FHIP1A: variants seen among roughly 807,000 people sequenced by gnomAD.
FHIP1A encodes the protein FHF complex subunit HOOK-interacting protein 1A.
FHIP1A carries 61 observed loss-of-function variants against 88.6 expected under a neutral mutation model. The observed-to-expected ratio is 0.69, with a 90% CI of 0.56 to 0.85. FHIP1A has a LOEUF of 0.85. Among genes scored for constraint, FHIP1A ranks in the 40% least tolerant of loss-of-function variants. FHIP1A has a pLI of 0.00. For missense variants in FHIP1A, 1,154 were observed against 1,273.5 expected, an observed-to-expected ratio of 0.91 and a Z score of 1.43; for synonymous variants, 478 against 496.0, an observed-to-expected ratio of 0.96 and a Z score of 0.48.
intron 4 of FHIP1A, among the ~76,000 whole-genome samples, chr4:151,574,233 G>A (rs6822732): frequency 2.0e-3 from 311 of 152,346 alleles, no homozygotes; most frequent in African/African-American, 7.1e-3. Context: ...TAAAACCAGT[G>A]GGTTAGAGCT....
chr4:151,559,538 G>A (rs1733089180), intron 3 of FHIP1A, among the ~76,000 whole-genome samples: 1 of 152,044 alleles, frequency 6.6e-6, no homozygotes, highest in Non-Finnish European at 1.5e-5. Context: ...CACAAATCGT[G>A]GCATACTATA....
intron 1 of FHIP1A, among the ~76,000 whole-genome samples, chr4:151,435,923 A>G (rs187522872): frequency 6.6e-5 from 10 of 152,276 alleles, no homozygotes; most frequent in African/African-American, 2.2e-4. Context: ...TTTCAGACTG[A>G]TGACCTATTT....
chr4:151,546,428 G>T (rs570554899), intron 3 of FHIP1A, among the ~76,000 whole-genome samples: 17 of 152,292 alleles, frequency 1.1e-4, no homozygotes, highest in African/African-American at 3.8e-4. Context: ...CCATAATTGC[G>T]TGAGCTAAGT....
chr4:151,620,757 CT>C (rs60624354), intron 7 of FHIP1A, among the ~76,000 whole-genome samples: 45,402 of 143,976 alleles, frequency 0.32, 6,856 homozygotes, highest in Middle Eastern at 0.34. Context: ...AATTAGATAT[CT>C]TTTTTTTTTT....
At chr4:151,650,675 T>C in intron 11 of FHIP1A, 83 bp downstream of exon 11, 1 of 1,452,394 alleles carries the variant, frequency 6.9e-7, no homozygotes, top group Middle Eastern at 1.9e-4. Flanking sequence ...TAGGAAAAGG[T>C]AAGGGATATT....
At position 151,662,698 on chromosome 4, in the gene FHIP1A, GA is replaced by G; in HGVS notation, c.3069del (p.Glu1023AspfsTer25). On this transcript the variant is annotated frameshift_variant, in exon 14 of 14. Transcript: ENST00000435205. LOFTEE classifies it high-confidence loss of function. ...FLKELAALAQEHSILCYKILG... is the reference protein window; with the variant it reads ...FLKELAALAQXHSILCYKILG... Reference sequence around the variant, plus strand: ...GAAGGAGCTGGCGGCCTTGGCCCAGGAACACTCCATTCTGTGCTACAAGATC... The same window carrying G: ...GAAGGAGCTGGCGGCCTTGGCCCAGGACACTCCATTCTGTGCTACAAGATC... 7.7e-6 allele frequency: 12 copies of G among 1,550,240 alleles called. No homozygotes were observed. The highest frequency in any genetic ancestry group is 1.0e-5 in the Non-Finnish European group (12 of 1,146,800).
At chr4:151,495,633 T>C (rs1730433542) in intron 3 of FHIP1A, among the ~76,000 whole-genome samples, 1 of 150,310 alleles carries the variant, frequency 6.7e-6, no homozygotes, top group South Asian at 2.1e-4. Flanking sequence ...TTCTTTTTTT[T>C]TTTTTTTGAG....
At chr4:151,597,631 C>T (rs1240340540) in intron 7 of FHIP1A, among the ~76,000 whole-genome samples, 3 of 152,186 alleles carry the variant, frequency 2.0e-5, no homozygotes, top group African/African-American at 7.2e-5. Flanking sequence ...GTGCCCATAG[C>T]TGCCCCTTTC....
At chr4:151,459,270 A>G (rs1260720011) in intron 2 of FHIP1A, among the ~76,000 whole-genome samples, 1 of 152,196 alleles carries the variant, frequency 6.6e-6, no homozygotes, top group Non-Finnish European at 1.5e-5. Flanking sequence ...CTACAAAAAT[A>G]TATAAGAAGG....
At chr4:151,456,828 A>G (rs1217223050) in intron 2 of FHIP1A, among the ~76,000 whole-genome samples, 2 of 152,076 alleles carry the variant, frequency 1.3e-5, no homozygotes, top group Non-Finnish European at 2.9e-5. Flanking sequence ...TTGGATTCAT[A>G]TGAGATTGTT....
chr4:151,582,374 T>A (rs917082695), intron 5 of FHIP1A, among the ~76,000 whole-genome samples: 9 of 152,228 alleles, frequency 5.9e-5, no homozygotes, highest in Middle Eastern at 3.4e-3. Flanking sequence ...TTGTATGTCA[T>A]CTTTCTTTCC....
intron 3 of FHIP1A, among the ~76,000 whole-genome samples, chr4:151,538,784 G>C (rs561914039): frequency 1.3e-5 from 2 of 152,172 alleles, no homozygotes; most frequent in Non-Finnish European, 2.9e-5. Flanking sequence ...ACCATAGAAT[G>C]TGATGAGTTC....
At chr4:151,585,133 C>T (rs2126803065) in intron 5 of FHIP1A, among the ~76,000 whole-genome samples, 1 of 152,178 alleles carries the variant, frequency 6.6e-6, no homozygotes, top group Non-Finnish European at 1.5e-5. Flanking sequence ...TCATTCGAGG[C>T]CATTGTCACC....
chr4:151,466,061 T>C (rs1004938292), intron 2 of FHIP1A, among the ~76,000 whole-genome samples: 1 of 152,200 alleles, frequency 6.6e-6, no homozygotes, highest in African/African-American at 2.4e-5. Context: ...GCAGATGACA[T>C]GATTCTATGT....
In FHIP1A at chr4:151,577,516, C is replaced by G; in HGVS notation, c.172C>G (p.Pro58Ala). Reference protein sequence around the residue: ...NTQAKYGSIPPDEASAVQNYV... With the variant: ...NTQAKYGSIPADEASAVQNYV... Reference sequence around the variant, plus strand: ...CCAGGCAAAATATGGGTCTATCCCTCCAGATGAGGCCAGTGCCGTGCAGAA... The same window carrying G: ...CCAGGCAAAATATGGGTCTATCCCTGCAGATGAGGCCAGTGCCGTGCAGAA... Residue 58 changes from proline (P) to alanine (A), a missense_variant, in exon 5 of 14, where the codon CCA (proline) becomes GCA (alanine). Transcript: ENST00000435205. The G allele has an allele frequency of 1.3e-6, 2 of 1,551,600 alleles. No homozygotes were observed. Among genetic ancestry groups the G allele is most frequent in the Non-Finnish European group, 1.7e-6 (2 of 1,146,910 alleles).
Position 151,577,852 on chromosome 4 carries a change from T to C in FHIP1A, c.508T>C (p.Cys170Arg), listed in dbSNP as rs1408534693. Residue 170 changes from cysteine (C) to arginine (R), a missense_variant, in exon 5 of 14, where the codon TGT becomes CGT. Physicochemically the swap from Cys to Arg is radical, Grantham distance 180. Coordinates refer to ENST00000435205, the MANE Select transcript of FHIP1A (RefSeq NM_001109977.3). Reference sequence around the variant, plus strand: ...GCTGGTTGTCCTACTCAATCAGCTCTGTTCCATTCTTGCCAAAGATCCATC... The same window carrying C: ...GCTGGTTGTCCTACTCAATCAGCTCCGTTCCATTCTTGCCAAAGATCCATC... The part of the protein sequence containing the change: ...EKLVVLLNQL[C>R]SILAKDPSIL... The C allele has an allele frequency of 6.4e-7, 1 of 1,551,906 alleles. No homozygotes were observed. Among genetic ancestry groups the C allele is most frequent in the Non-Finnish European group, 8.7e-7 (1 of 1,147,046 alleles).
At chr4:151,548,929 G>A (rs978379924) in intron 3 of FHIP1A, among the ~76,000 whole-genome samples, 12 of 152,186 alleles carry the variant, frequency 7.9e-5, no homozygotes, top group South Asian at 4.1e-4. Flanking sequence ...GGTGCCCCTC[G>A]CAGATGGAAC....
chr4:151,465,703 G>A (rs188190543), intron 2 of FHIP1A, among the ~76,000 whole-genome samples: 1 of 152,316 alleles, frequency 6.6e-6, no homozygotes, highest in Non-Finnish European at 1.5e-5. Flanking sequence ...TCCTTGGGAT[G>A]CAAAGCTGGT....
intron 1 of FHIP1A, among the ~76,000 whole-genome samples, chr4:151,451,085 A>G (rs1424260620): frequency 1.3e-5 from 2 of 151,998 alleles, no homozygotes; most frequent in Non-Finnish European, 2.9e-5. Context: ...GCCAATCTTC[A>G]TTACTTTAAA....
Sources: gnomAD v4.1 joint callset for allele counts (sites outside exome capture counted in the v4.1 genomes callset) on GRCh38, gnomAD v4.1.1 for gene constraint, MANE v1.5 for transcripts, NCBI Gene and HGNC (gene_info 2026-07-23, HGNC 2026-07-21) for gene names.